Variants in GNAI1 observed in about 807,000 individuals in gnomAD.
GNAI1 encodes G protein subunit alpha i1.
GNAI1 carries 11 observed loss-of-function variants against 38.9 expected under a neutral mutation model. That is an observed-to-expected ratio of 0.28 (90% CI 0.18 to 0.47). The LOEUF is 0.47. Among genes scored for constraint, GNAI1 ranks in the 20% least tolerant of loss-of-function variants. GNAI1 has a pLI of 0.99. For synonymous variants in GNAI1, 166 were observed against 145.1 expected, an observed-to-expected ratio of 1.14 and a Z score of -1.04; for missense variants, 317 against 436.9, an observed-to-expected ratio of 0.73 and a Z score of 2.45.
Position 80,218,887 on chromosome 7 carries a change from C to G in GNAI1, c.*1394C>G, listed in dbSNP as rs1193895675. On this transcript the variant is annotated 3_prime_UTR_variant, in exon 8 of 8. Transcript: ENST00000649796. ...TTTGATTATTCATGATGTGTCATCT[C>G]TGACCTTGTTTCAGCAAAGTAAACA... The G allele has an allele frequency of 3.9e-5, 6 of 152,246 alleles. No individual in the cohort carries two copies. 9.4% of individuals were successfully genotyped at this position (152,246 alleles called of 1,614,324 possible).
intron 1 of GNAI1, among the ~76,000 whole-genome samples, chr7:80,142,911 A>G (rs545215294): frequency 2.0e-5 from 3 of 152,138 alleles, no homozygotes; most frequent in East Asian, 3.9e-4. Context: ...CTTTGTTTTT[A>G]ACAGTATTGC....
At chr7:80,161,145 A>T (rs1174223743) in intron 1 of GNAI1, among the ~76,000 whole-genome samples, 1 of 152,220 alleles carries the variant, frequency 6.6e-6, no homozygotes, top group African/African-American at 2.4e-5. Flanking sequence ...GAGATTCTTC[A>T]TGATATTAGT....
intron 1 of GNAI1, among the ~76,000 whole-genome samples, chr7:80,140,023 G>T (rs1787497845): frequency 7.2e-6 from 1 of 138,384 alleles, no homozygotes; most frequent in African/African-American, 2.7e-5. Context: ...TTGCTCTGTC[G>T]CCCAGGCTGG....
At chr7:80,163,149 C>CT (rs1357124720) in intron 1 of GNAI1, among the ~76,000 whole-genome samples, 2 of 152,098 alleles carry the variant, frequency 1.3e-5, no homozygotes, top group African/African-American at 4.8e-5. Flanking sequence ...TGTCAGTTCT[C>CT]TTTTATATAG....
intron 1 of GNAI1, among the ~76,000 whole-genome samples, chr7:80,163,607 C>T (rs1787961037): frequency 6.6e-6 from 1 of 152,132 alleles, no homozygotes; most frequent in African/African-American, 2.4e-5. Context: ...ATAGTTTTAG[C>T]CCATTATTGT....
chr7:80,160,919 T>C (rs1007734213), intron 1 of GNAI1, among the ~76,000 whole-genome samples: 10 of 152,200 alleles, frequency 6.6e-5, no homozygotes, highest in Non-Finnish European at 1.0e-4. Context: ...TAGTACGATA[T>C]CTTGCAGTCT....
intron 1 of GNAI1, among the ~76,000 whole-genome samples, chr7:80,180,322 A>AGT (rs59104301): frequency 0.058 from 8,683 of 150,140 alleles, 262 homozygotes; most frequent in Non-Finnish European, 0.062. Flanking sequence ...ATTCTTATAA[A>AGT]GTGTGTGTGT....
chr7:80,211,158 G>T (rs1446348248), intron 6 of GNAI1, 60 bp downstream of exon 6: 9 of 1,477,930 alleles, frequency 6.1e-6, no homozygotes, highest in Non-Finnish European at 8.4e-6. Context: ...GTGTTGCCAA[G>T]AATTTCTTTC....
chr7:80,162,451 G>A (rs573445413), intron 1 of GNAI1, among the ~76,000 whole-genome samples: 22 of 152,252 alleles, frequency 1.4e-4, no homozygotes, highest in South Asian at 4.1e-4. Context: ...TTCTAGAAAT[G>A]TGCTTCTCAA....
At chr7:80,153,107 A>G (rs1480506651) in intron 1 of GNAI1, among the ~76,000 whole-genome samples, 1 of 152,218 alleles carries the variant, frequency 6.6e-6, no homozygotes, top group Non-Finnish European at 1.5e-5. Context: ...TATTAAATTT[A>G]TGATAATGTG....
chr7:80,192,782 G>A (rs1344611089), intron 3 of GNAI1, among the ~76,000 whole-genome samples: 1 of 151,864 alleles, frequency 6.6e-6, no homozygotes, highest in Non-Finnish European at 1.5e-5. Context: ...TGCAACCTCC[G>A]CCTTCCTGGT....
At chr7:80,184,130 C>A (rs1365895179) in intron 1 of GNAI1, among the ~76,000 whole-genome samples, 2 of 152,156 alleles carry the variant, frequency 1.3e-5, no homozygotes, top group Non-Finnish European at 2.9e-5. Flanking sequence ...GAATCTGATG[C>A]ATCTGCAGCA....
chr7:80,136,872 G>A (rs1787425049), intron 1 of GNAI1, among the ~76,000 whole-genome samples: 1 of 152,132 alleles, frequency 6.6e-6, no homozygotes, highest in Admixed American at 6.5e-5. Flanking sequence ...GTGACTGTTA[G>A]GGATGGACTA....
chr7:80,186,023 CTTTTTTTTTT>C (rs533371119), intron 1 of GNAI1, among the ~76,000 whole-genome samples: 56,579 of 103,868 alleles, frequency 0.54, 12,212 homozygotes, highest in East Asian at 0.72. Flanking sequence ...CATCCGCACT[CTTTTTTTTTT>C]TTTTTTTTTT....
chr7:80,224,153 GATAC>G lies in GNAI1; in HGVS notation c.*6664_*6667del, dbSNP rs1179930877. ...CCTCCATTATTTAAAATATGTTAGA[GATAC>G]ATAAATATATAGAGAAAATGCATAC... On this transcript the variant is annotated 3_prime_UTR_variant, in exon 8 of 8. Transcript: ENST00000649796. Among the ~76,000 whole-genome samples the G allele has an allele frequency of 2.6e-5, 4 of 152,130 alleles. No homozygotes were observed. Among genetic ancestry groups the G allele is most frequent in the East Asian group, 1.9e-4 (1 of 5,192 alleles).
At chr7:80,164,750 T>C (rs1584020869) in intron 1 of GNAI1, among the ~76,000 whole-genome samples, 1 of 152,200 alleles carries the variant, frequency 6.6e-6, no homozygotes, top group African/African-American at 2.4e-5. Flanking sequence ...CCATCTCTGC[T>C]CTTCTCTAAC....
chr7:80,178,565 A>T (rs1788235152), intron 1 of GNAI1, among the ~76,000 whole-genome samples: 1 of 152,224 alleles, frequency 6.6e-6, no homozygotes, highest in Admixed American at 6.5e-5. Context: ...CCAGCAGAAG[A>T]TGATGACTCG....
intron 3 of GNAI1, among the ~76,000 whole-genome samples, chr7:80,196,310 CTT>C (rs1292751802): frequency 6.6e-6 from 1 of 151,918 alleles, no homozygotes; most frequent in African/African-American, 2.4e-5. Context: ...GGCAAATAAT[CTT>C]TCTTTTCACC....
chr7:80,157,964 C>T (rs975999365), intron 1 of GNAI1, among the ~76,000 whole-genome samples: 3 of 152,166 alleles, frequency 2.0e-5, no homozygotes, highest in East Asian at 1.9e-4. Context: ...CCACTTTGGC[C>T]TCCCAAAGTG....
Sources: allele counts gnomAD v4.1 joint callset (sites outside exome capture counted in the v4.1 genomes callset), GRCh38; gene constraint gnomAD v4.1.1; transcripts MANE v1.5; gene names NCBI Gene and HGNC (gene_info 2026-07-23, HGNC 2026-07-21).